The following PHF7 variants were observed in gnomAD, a reference collection of about 807,000 sequenced individuals.
PHF7 encodes the protein E3 ubiquitin-protein ligase PHF7.
PHF7 carries 24 observed loss-of-function variants against 47.5 expected under a neutral mutation model. The observed-to-expected ratio is 0.51, with a 90% CI of 0.37 to 0.71. The LOEUF (loss-of-function observed/expected upper bound fraction) is 0.71, where lower values mean the gene tolerates loss of function less well. PHF7 is among the 30% of genes least tolerant of loss of function. PHF7 has a pLI of 0.00. For synonymous variants in PHF7, 156 were observed against 153.8 expected (o/e 1.01, Z -0.11); for missense variants, 361 against 456.8 (o/e 0.79, Z 1.91).
chr3:52,411,988 G>A (rs1292305959), intron 1 of PHF7, among the ~76,000 whole-genome samples: 1 of 152,162 alleles, frequency 6.6e-6, no homozygotes, highest in Non-Finnish European at 1.5e-5. Flanking sequence ...GGCTGAGGCG[G>A]GAGGATCACT....
intron 4 of PHF7, among the ~76,000 whole-genome samples, chr3:52,419,565 G>A (rs1455302149): frequency 2.0e-5 from 3 of 151,934 alleles, no homozygotes; most frequent in African/African-American, 7.3e-5. Context: ...TGAGTAGCTG[G>A]GACTACAGGT....
rs1192062553 is a variant in PHF7 at position 52,423,242 on chromosome 3, C to T, written c.1071C>T (p.Ser357=). The T allele has an allele frequency of 1.2e-6, 2 of 1,614,136 alleles. No homozygotes were observed. The highest frequency in any genetic ancestry group is 1.1e-5 in the South Asian group (1 of 91,086). ...PEPSLLEKPE[S]SRGRRSYSWR... ...CTTCCTTATTAGAAAAGCCAGAGTC[C>T]TCTCGTGGCAGGAGGAGCTACTCCT... The change falls in exon 11 of 11, where the codon TCC becomes TCT. Residue 357 remains serine (S), a synonymous_variant. Coordinates refer to ENST00000327906, the MANE Select transcript of PHF7 (RefSeq NM_016483.7).
rs113466954 is a variant in PHF7 at position 52,423,458 on chromosome 3, T to G, written c.*141T>G. The G allele has an allele frequency of 6.2e-4, 383 of 616,806 alleles. 2 individuals carry two copies. The highest frequency in any genetic ancestry group is 6.1e-3 in the African/African-American group (330 of 54,118). 38.2% of individuals were successfully genotyped at this position (616,806 alleles called of 1,614,324 possible). A position where few individuals can be genotyped will look rare whatever the true frequency, so the allele number is the denominator to read the frequency against. ...ACTATGAGCCAAGCAAAGAGAAGTC[T>G]CAGTGGAGCATGAGGAGGGAGCAGT... On this transcript the variant is annotated 3_prime_UTR_variant, in exon 11 of 11. Coordinates refer to ENST00000327906, the MANE Select transcript of PHF7 (RefSeq NM_016483.7).
intron 5 of PHF7, 128 bp from the exon 6 acceptor site, chr3:52,420,183 A>T (rs1436866110): frequency 9.3e-7 from 1 of 1,069,950 alleles, no homozygotes; most frequent in African/African-American, 1.6e-5. Context: ...GCCCCAGAGC[A>T]TTCAGGACCA....
At position 52,413,289 on chromosome 3, in the gene PHF7, A is replaced by T. The variant is rs551425005; in HGVS notation, c.41+369A>T. 3.9e-5 allele frequency among the ~76,000 whole-genome samples: 6 copies of T among 152,352 alleles called. No homozygotes were observed. In the South Asian group the frequency reaches 1.2e-3, roughly 32 times the overall value. On this transcript the variant is annotated intron_variant, in intron 2 of 10. Coordinates refer to ENST00000327906, the MANE Select transcript of PHF7 (RefSeq NM_016483.7). The stretch of plus-strand genomic sequence containing the variant: ...GTAGATTAATTGAGCCAATACATGT[A>T]AAGTGCCAAGAATAGTGCCTCGCAA...
intron 2 of PHF7, among the ~76,000 whole-genome samples, chr3:52,413,666 C>T (rs1705532723): frequency 6.6e-6 from 1 of 152,196 alleles, no homozygotes; most frequent in Admixed American, 6.5e-5. Context: ...GAAACCCCGT[C>T]TCTACTAAAA....
rs772202340 is a variant in PHF7, at chr3:52,420,850, T to C, written c.414-53T>C. 1.9e-4 allele frequency: 302 copies of C among 1,550,284 alleles called. 1 individual carries two copies. Among genetic ancestry groups the C allele is most frequent in the Non-Finnish European group, 2.5e-4 (290 of 1,142,648 alleles). The stretch of plus-strand genomic sequence containing the variant: ...GGCTGCCCCTCCTAGAGCGGGCCAT[T>C]GGGAAACTACATCAATGACAAACCA... On this transcript the variant is annotated intron_variant, in intron 6 of 10. Coordinates refer to ENST00000327906, the MANE Select transcript of PHF7 (RefSeq NM_016483.7).
At position 52,412,875 on chromosome 3, in the gene PHF7, A is replaced by G. The variant is rs768049721; in HGVS notation, c.-5A>G. The G allele has an allele frequency of 3.7e-6, 6 of 1,605,724 alleles. No individual in the cohort carries two copies. The Admixed American group carries it at 1.0e-4, about 27-fold the overall frequency. Reference sequence around the variant, plus strand: ...ATTCAAGAGAGGAGAGAGAGACAGCACCGAATGAAGACTGTAAAAGAAAAG... The same window carrying G: ...ATTCAAGAGAGGAGAGAGAGACAGCGCCGAATGAAGACTGTAAAAGAAAAG... On this transcript the variant is annotated 5_prime_UTR_variant, in exon 2 of 11. Transcript: ENST00000327906.
chr3:52,423,373 T>C lies in PHF7; in HGVS notation c.*56T>C. 8.4e-7 allele frequency: 1 copy of C among 1,193,674 alleles called. No homozygotes were observed. Among genetic ancestry groups the C allele is most frequent in the Non-Finnish European group, 1.2e-6 (1 of 818,162 alleles). 73.9% of individuals were successfully genotyped at this position (1,193,674 alleles called of 1,614,324 possible). ...TAGGGTATGAAGCTGCGCTCCTCCATCGGGTTTGGGGAGGGAGCACTCTGG... is the reference window on the plus strand; with the variant it reads ...TAGGGTATGAAGCTGCGCTCCTCCACCGGGTTTGGGGAGGGAGCACTCTGG... On this transcript the variant is annotated 3_prime_UTR_variant, in exon 11 of 11. Coordinates refer to ENST00000327906, the MANE Select transcript of PHF7 (RefSeq NM_016483.7).
At chr3:52,420,181 G>A in intron 5 of PHF7, 130 bp from the exon 6 acceptor site, 2 of 1,042,418 alleles carry the variant, frequency 1.9e-6, no homozygotes, top group Non-Finnish European at 3.0e-6. Context: ...GTGCCCCAGA[G>A]CATTCAGGAC....
At position 52,423,527 on chromosome 3, in the gene PHF7, T is replaced by C. The variant is rs1318037560; in HGVS notation, c.*210T>C. On this transcript the variant is annotated 3_prime_UTR_variant, in exon 11 of 11. Transcript: ENST00000327906. ...ATGCGTTTATGGCTACAAGAGTGCC[T>C]CTGCTTTCTCCTCCTCTCCTCCCAC... The C allele has an allele frequency of 6.2e-6, 3 of 487,474 alleles. No individual in the cohort carries two copies. Among genetic ancestry groups the C allele is most frequent in the Non-Finnish European group, 1.1e-5 (3 of 274,280 alleles). 30.2% of individuals were successfully genotyped at this position (487,474 alleles called of 1,614,324 possible).
At position 52,421,630 on chromosome 3, in the gene PHF7, T is replaced by C. The variant is rs763236644; in HGVS notation, c.574-18T>C. On this transcript the variant is annotated intron_variant, in intron 7 of 10. Transcript: ENST00000327906. ...AGGGTTTTTACAAACACAGAGCTCT[T>C]CCCTGTTTCTCTTACAGAAATATGC... The C allele has an allele frequency of 1.8e-5, 25 of 1,406,686 alleles. No individual in the cohort carries two copies. Among genetic ancestry groups the C allele is most frequent in the Non-Finnish European group, 2.1e-5 (21 of 990,632 alleles). 87.1% of individuals were successfully genotyped at this position (1,406,686 alleles called of 1,614,324 possible).
intron 3 of PHF7, 151 bp from the exon 4 acceptor site, chr3:52,414,345 T>G (rs904387030): frequency 6.1e-6 from 4 of 652,672 alleles, no homozygotes; most frequent in African/African-American, 3.6e-5. Flanking sequence ...TGATACCACA[T>G]AAGACCTCAT....
intron 8 of PHF7, 118 bp from the exon 9 acceptor site, chr3:52,422,104 C>T (rs1705808317): frequency 1.3e-6 from 1 of 762,774 alleles, no homozygotes; most frequent in Non-Finnish European, 2.4e-6. Flanking sequence ...TGGAAGTGTT[C>T]AGGCAGCCTA....
At chr3:52,414,699 A>G in intron 4 of PHF7, 112 bp downstream of exon 4, 1 of 610,146 alleles carries the variant, frequency 1.6e-6, no homozygotes, top group Non-Finnish European at 2.8e-6. Context: ...TTTTCTTAAT[A>G]GCTTTTTTGT....
At chr3:52,422,018 C>T (rs1705805937) in intron 8 of PHF7, 2 of 605,396 alleles carry the variant, frequency 3.3e-6, no homozygotes, top group Admixed American at 2.9e-5. Context: ...CAGAGTGGAA[C>T]TAAGGAACCT....
chr3:52,421,082 G>T lies in PHF7; in HGVS notation c.573+20G>T. 2 of 1,585,016 alleles carry T rather than the reference G, an allele frequency of 1.3e-6. No homozygotes were observed. The highest frequency in any genetic ancestry group is 1.7e-6 in the Non-Finnish European group (2 of 1,165,380). On this transcript the variant is annotated intron_variant, in intron 7 of 10. Coordinates refer to ENST00000327906, the MANE Select transcript of PHF7 (RefSeq NM_016483.7). ...ATACAGGTGGGGCTTTTTCCGCCCT[G>T]GGTCCCTTCCACCATTGCCCTAGTT...
intron 4 of PHF7, among the ~76,000 whole-genome samples, chr3:52,419,573 G>A (rs370284491): frequency 6.6e-6 from 1 of 151,990 alleles, no homozygotes; most frequent in Non-Finnish European, 1.5e-5. Flanking sequence ...TGGGACTACA[G>A]GTGCGTGCCA....
intron 1 of PHF7, 47 bp from the exon 2 acceptor site, chr3:52,412,764 C>T (rs1705491150): frequency 1.2e-6 from 1 of 852,654 alleles, no homozygotes; most frequent in Admixed American, 2.2e-5. Flanking sequence ...AACTTGATAA[C>T]CAAATACAGA....
Sources: gnomAD v4.1 joint callset for allele counts (sites outside exome capture counted in the v4.1 genomes callset) on GRCh38, gnomAD v4.1.1 for gene constraint, MANE v1.5 for transcripts, NCBI Gene and HGNC (gene_info 2026-07-23, HGNC 2026-07-21) for gene names.